The following TTLL5 variants were observed in gnomAD, a reference collection of about 807,000 sequenced individuals.
TTLL5 encodes tubulin polyglutamylase TTLL5.
A neutral mutation model predicts 168.4 loss-of-function variants in TTLL5; 132 were observed. The observed-to-expected ratio is 0.78, with a 90% CI of 0.68 to 0.91. TTLL5 has a LOEUF of 0.91. TTLL5 is among the 40% of genes least tolerant of loss of function. The pLI is 0.00. For synonymous variants in TTLL5, 546 were observed against 558.6 expected (o/e 0.98, Z 0.32); for missense variants, 1,545 against 1,581.5 (o/e 0.98, Z 0.39).
chr14:75,723,693 C>T (rs774528588), intron 12 of TTLL5, among the ~76,000 whole-genome samples: 4 of 152,064 alleles, frequency 2.6e-5, no homozygotes, highest in East Asian at 1.9e-4. Flanking sequence ...TAGAATGTTC[C>T]GACGTGGAAG....
intron 9 of TTLL5, among the ~76,000 whole-genome samples, chr14:75,714,541 CTATT>C (rs1887303557): frequency 6.6e-6 from 1 of 152,054 alleles, no homozygotes; most frequent in Admixed American, 6.6e-5. Flanking sequence ...ATTTATTCAT[CTATT>C]TATTTATACC....
At chr14:75,839,872 A>G (rs972873483) in intron 28 of TTLL5, among the ~76,000 whole-genome samples, 1 of 152,124 alleles carries the variant, frequency 6.6e-6, no homozygotes, top group African/African-American at 2.4e-5. Flanking sequence ...TTCTTTGGAG[A>G]AATCTCTGTT....
At position 75,926,156 on chromosome 14, in the gene TTLL5, C is replaced by CTTTTTTTTT. The variant is rs34048806; in HGVS notation, c.3823+23952_3823+23960dup. On this transcript the variant is annotated intron_variant, in intron 31 of 31. Coordinates refer to ENST00000298832, the MANE Select transcript of TTLL5 (RefSeq NM_015072.5). ...TTAAAGACTAGGATTGCAACCCCAG[C>CTTTTTTTTT]TTTTTTTTTTTTTTTTTTTTTTTTT... Among the ~76,000 whole-genome samples the CTTTTTTTTT allele has an allele frequency of 3.0e-4, 9 of 29,960 alleles. 1 individual carries two copies. The highest frequency in any genetic ancestry group is 4.2e-4 in the Non-Finnish European group (8 of 19,256). 19.7% of individuals were successfully genotyped at this position (29,960 alleles called of 152,430 possible).
intron 13 of TTLL5, among the ~76,000 whole-genome samples, chr14:75,733,353 G>A (rs757831267): frequency 5.9e-4 from 90 of 152,184 alleles, no homozygotes; most frequent in Non-Finnish European, 7.5e-4. Flanking sequence ...TGAAGCCACC[G>A]TGGCCGTCAC....
At chr14:75,790,722 C>G (rs1055008447) in intron 26 of TTLL5, among the ~76,000 whole-genome samples, 26 of 151,616 alleles carry the variant, frequency 1.7e-4, no homozygotes, top group African/African-American at 6.3e-4. Flanking sequence ...GCCTCAGCCT[C>G]CCAAAGTGCT....
At chr14:75,890,049 T>C (rs1260279779) in intron 30 of TTLL5, among the ~76,000 whole-genome samples, 3 of 152,176 alleles carry the variant, frequency 2.0e-5, no homozygotes, top group Non-Finnish European at 2.9e-5. Context: ...ATACAAATGG[T>C]AAATTGGCTT....
Position 75,791,105 on chromosome 14 carries a change from C to CAAAAAAAAAAAAAAAAAAAAAAA in TTLL5, c.2987-1792_2987-1791insAAAAAAAAAAAAAAAAAAAAAAA, listed in dbSNP as rs372035829. 3.9e-5 allele frequency among the ~76,000 whole-genome samples: 3 copies of CAAAAAAAAAAAAAAAAAAAAAAA among 77,266 alleles called. 1 individual carries two copies. The highest frequency in any genetic ancestry group is 2.3e-4 in the African/African-American group (3 of 13,146). 50.7% of individuals were successfully genotyped at this position (77,266 alleles called of 152,430 possible). On this transcript the variant is annotated intron_variant, in intron 26 of 31. Coordinates refer to ENST00000298832, the MANE Select transcript of TTLL5 (RefSeq NM_015072.5). ...TGGGTGACAGAGCAAGACTCTGTCT[C>CAAAAAAAAAAAAAAAAAAAAAAA]AAAAAAAAAAAAAAAAAAATACCAC...
chr14:75,716,051 G>C (rs10132656), intron 9 of TTLL5, among the ~76,000 whole-genome samples: 14 of 152,122 alleles, frequency 9.2e-5, no homozygotes, highest in Non-Finnish European at 1.9e-4. Context: ...TCACCTTGAG[G>C]TAATGTCTGG....
At chr14:75,772,753 C>T (rs889853127) in intron 21 of TTLL5, among the ~76,000 whole-genome samples, 9 of 151,630 alleles carry the variant, frequency 5.9e-5, no homozygotes, top group Admixed American at 5.3e-4. Flanking sequence ...CTGCAACCTC[C>T]GCTTCCTGGG....
intron 28 of TTLL5, among the ~76,000 whole-genome samples, chr14:75,858,693 A>T (rs1435949731): frequency 6.6e-6 from 1 of 152,232 alleles, no homozygotes; most frequent in African/African-American, 2.4e-5. Flanking sequence ...GACTTTTGGA[A>T]AACGTGTATC....
chr14:75,735,699 A>C (rs1045899968), intron 15 of TTLL5, among the ~76,000 whole-genome samples: 8 of 152,234 alleles, frequency 5.3e-5, no homozygotes, highest in Non-Finnish European at 7.3e-5. Flanking sequence ...CTTCTCTACA[A>C]GTAATTCTCC....
intron 9 of TTLL5, among the ~76,000 whole-genome samples, 192 bp downstream of exon 9, chr14:75,707,899 C>A (rs1186694520): frequency 6.6e-6 from 1 of 152,174 alleles, no homozygotes; most frequent in East Asian, 1.9e-4. Flanking sequence ...AAAAGAACTT[C>A]AGAAATTAGG....
intron 21 of TTLL5, among the ~76,000 whole-genome samples, chr14:75,774,275 T>C (rs1360051770): frequency 1.3e-5 from 2 of 152,184 alleles, no homozygotes; most frequent in Non-Finnish European, 2.9e-5. Context: ...TGGTATCTGT[T>C]CAGATTTCAA....
rs1312307040 is a variant in TTLL5 at position 75,746,571 on chromosome 14, T to TG, written c.1487+990_1487+991insG. ...TCTTTTCTTTTCTTTTTTTTTTTTT[T>TG]TTGGAGACAGTGTCTCACTTTGTTG... On this transcript the variant is annotated intron_variant, in intron 17 of 31. Coordinates refer to ENST00000298832, the MANE Select transcript of TTLL5 (RefSeq NM_015072.5). Among the ~76,000 whole-genome samples the TG allele has an allele frequency of 2.0e-5, 3 of 151,066 alleles. No individual in the cohort carries two copies. The East Asian group carries it at 5.8e-4, about 29-fold the overall frequency.
chr14:75,929,573 C>T (rs916987342), intron 31 of TTLL5, among the ~76,000 whole-genome samples: 2 of 151,216 alleles, frequency 1.3e-5, no homozygotes, highest in African/African-American at 2.4e-5. Flanking sequence ...CTGCCTCAGC[C>T]GCCCAAGTAG....
intron 31 of TTLL5, among the ~76,000 whole-genome samples, chr14:75,927,624 G>A (rs565590116): frequency 2.0e-5 from 3 of 152,294 alleles, no homozygotes; most frequent in Non-Finnish European, 4.4e-5. Context: ...TGTGAAGTGT[G>A]TTCTAAGGTC....
chr14:75,887,293 G>T, intron 30 of TTLL5: 1 of 985,652 alleles, frequency 1.0e-6, no homozygotes, highest in Non-Finnish European at 1.2e-6. Flanking sequence ...ATAAACACCG[G>T]CTTAAAAAAT....
chr14:75,818,564 C>T (rs966484579), intron 27 of TTLL5: 1 of 305,418 alleles, frequency 3.3e-6, no homozygotes, highest in Non-Finnish European at 6.3e-6. Flanking sequence ...CTCTTCTCAC[C>T]GCAACCTCTG....
At chr14:75,914,400 A>G (rs2033524399) in intron 31 of TTLL5, among the ~76,000 whole-genome samples, 1 of 152,094 alleles carries the variant, frequency 6.6e-6, no homozygotes, top group African/African-American at 2.4e-5. Context: ...TTTTCTGAAA[A>G]ATAGTCCATT....
Sources: gnomAD v4.1 joint callset for allele counts (sites outside exome capture counted in the v4.1 genomes callset) on GRCh38, gnomAD v4.1.1 for gene constraint, MANE v1.5 for transcripts, NCBI Gene and HGNC (gene_info 2026-07-23, HGNC 2026-07-21) for gene names.